The following PRELID2 variants were observed in gnomAD, a reference collection of about 807,000 sequenced individuals.
PRELID2 encodes PRELI domain-containing protein 2.
In PRELID2, 25 loss-of-function variants were observed where a neutral mutation model predicts 28.4. That is an observed-to-expected ratio of 0.88 (90% CI 0.64 to 1.23). The LOEUF (loss-of-function observed/expected upper bound fraction) is 1.23, where lower values mean the gene tolerates loss of function less well. PRELID2 is among the 50% of genes most tolerant of loss of function. The pLI, the probability that PRELID2 is intolerant of heterozygous loss-of-function variation, is 0.00. For missense variants in PRELID2, 201 were observed against 214.4 expected (o/e 0.94, Z 0.39); for synonymous variants, 76 against 71.6 (o/e 1.06, Z -0.31).
the PRELID2 span, among the ~76,000 whole-genome samples, chr5:145,404,710 G>T: frequency 6.6e-6 from 1 of 152,180 alleles, no homozygotes; most frequent in Non-Finnish European, 1.5e-5. Flanking sequence ...CTGATATTGG[G>T]TAGAAGGTGT....
the PRELID2 span, among the ~76,000 whole-genome samples, chr5:145,331,425 A>G: frequency 6.6e-6 from 1 of 152,122 alleles, no homozygotes; most frequent in Non-Finnish European, 1.5e-5. Flanking sequence ...GTAGGCCTCT[A>G]AGAACTTGCT....
At chr5:145,260,350 G>GT in the PRELID2 span, among the ~76,000 whole-genome samples, 1 of 151,096 alleles carries the variant, frequency 6.6e-6, no homozygotes, top group Non-Finnish European at 1.5e-5. Flanking sequence ...ACTAAAGACA[G>GT]AAAAAAAAAT....
At chr5:145,716,974 T>G (rs780424969) in intron 1 of PRELID2, among the ~76,000 whole-genome samples, 24 of 152,120 alleles carry the variant, frequency 1.6e-4, no homozygotes, top group Non-Finnish European at 2.9e-4. Context: ...CATATACCCA[T>G]CAATAATGGA....
chr5:145,365,396 T>C, the PRELID2 span, among the ~76,000 whole-genome samples: 1 of 151,642 alleles, frequency 6.6e-6, no homozygotes, highest in Non-Finnish European at 1.5e-5. Context: ...ATGATAAATA[T>C]GAATATTGCT....
the PRELID2 span, among the ~76,000 whole-genome samples, chr5:145,420,102 G>C: frequency 1.3e-5 from 2 of 152,044 alleles, no homozygotes; most frequent in East Asian, 3.9e-4. Context: ...CTCTGTTTTG[G>C]TACCAGTTCC....
intron 1 of PRELID2, among the ~76,000 whole-genome samples, chr5:145,631,021 C>A (rs1033310290): frequency 6.6e-6 from 1 of 152,104 alleles, no homozygotes; most frequent in Non-Finnish European, 1.5e-5. Flanking sequence ...TGGGGATAAA[C>A]CACTAATTCT....
chr5:145,525,495 C>T (rs1416251248), intron 1 of PRELID2, among the ~76,000 whole-genome samples: 13 of 152,118 alleles, frequency 8.5e-5, no homozygotes, highest in Admixed American at 4.6e-4. Context: ...CTCTTCACTT[C>T]GCCTCTACAG....
intron 1 of PRELID2, among the ~76,000 whole-genome samples, chr5:145,675,041 A>C (rs1175597180): frequency 6.6e-6 from 1 of 152,194 alleles, no homozygotes; most frequent in African/African-American, 2.4e-5. Flanking sequence ...CAAAATCTAC[A>C]TGCAATAAGA....
intron 5 of PRELID2, among the ~76,000 whole-genome samples, chr5:145,784,110 G>A (rs1751826296): frequency 6.6e-6 from 1 of 151,668 alleles, no homozygotes; most frequent in South Asian, 2.1e-4. Context: ...GGCAAAACCT[G>A]GTCTTTACTA....
intron 1 of PRELID2, among the ~76,000 whole-genome samples, chr5:145,628,287 T>C (rs919057653): frequency 2.6e-5 from 4 of 152,136 alleles, no homozygotes; most frequent in African/African-American, 9.7e-5. Context: ...TTGAATGCTT[T>C]CTGGAGAAAT....
intron 1 of PRELID2, among the ~76,000 whole-genome samples, chr5:145,590,301 A>G (rs964414417): frequency 2.0e-5 from 3 of 152,188 alleles, no homozygotes; most frequent in Non-Finnish European, 4.4e-5. Context: ...TGATCACCCA[A>G]ATGAGAAATA....
At chr5:145,538,418 A>G (rs1018396209) in intron 1 of PRELID2, among the ~76,000 whole-genome samples, 4 of 151,948 alleles carry the variant, frequency 2.6e-5, no homozygotes, top group African/African-American at 4.8e-5. Context: ...TGCATTAAAT[A>G]CATAGATTGT....
the PRELID2 span, among the ~76,000 whole-genome samples, chr5:145,349,244 C>G: frequency 2.0e-5 from 3 of 152,142 alleles, no homozygotes; most frequent in Admixed American, 2.0e-4. Flanking sequence ...AACTAAACCC[C>G]CTTTTTGAAA....
chr5:145,626,231 G>A (rs1753842668), intron 1 of PRELID2, among the ~76,000 whole-genome samples: 1 of 152,108 alleles, frequency 6.6e-6, no homozygotes, highest in Admixed American at 6.6e-5. Flanking sequence ...ATAACCAACA[G>A]AGTAAGCAGA....
At chr5:145,422,366 C>T in the PRELID2 span, among the ~76,000 whole-genome samples, 1,470 of 152,188 alleles carry the variant, frequency 9.7e-3, 30 homozygotes, top group African/African-American at 0.034. Context: ...GTGTGGGAGT[C>T]TAAGTCTCTT....
the PRELID2 span, among the ~76,000 whole-genome samples, chr5:145,275,297 A>T: frequency 6.6e-6 from 1 of 152,142 alleles, no homozygotes; most frequent in South Asian, 2.1e-4. Context: ...GAAGACAGGC[A>T]TCCAATAAGG....
the PRELID2 span, among the ~76,000 whole-genome samples, chr5:145,433,542 C>T: frequency 2.6e-3 from 391 of 152,220 alleles, 1 homozygote; most frequent in African/African-American, 8.5e-3. Context: ...TTCTTTCCAA[C>T]AACAACTGGT....
chr5:145,544,341 T>C (rs1481666247), intron 1 of PRELID2, among the ~76,000 whole-genome samples: 1 of 152,152 alleles, frequency 6.6e-6, no homozygotes, highest in African/African-American at 2.4e-5. Context: ...TTTAATTTCA[T>C]ACTCATCAAA....
the PRELID2 span, among the ~76,000 whole-genome samples, chr5:145,447,128 A>C: frequency 6.6e-6 from 1 of 151,892 alleles, no homozygotes; most frequent in South Asian, 2.1e-4. Context: ...ATTTTTTGAT[A>C]TAGTCCTGAC....
Sources: gnomAD v4.1 joint callset for allele counts (sites outside exome capture counted in the v4.1 genomes callset) on GRCh38, gnomAD v4.1.1 for gene constraint, MANE v1.5 for transcripts, NCBI Gene and HGNC (gene_info 2026-07-23, HGNC 2026-07-21) for gene names.